CELF2: variants seen among roughly 807,000 people sequenced by gnomAD.
The protein encoded by CELF2 is CUG triplet repeat RNA-binding protein 2.
In CELF2, 8 loss-of-function variants were observed where a neutral mutation model predicts 62.6. The observed-to-expected ratio is 0.13, with a 90% confidence interval of 0.07 to 0.23. The LOEUF is 0.23. Ranked by LOEUF, CELF2 falls within the 10% of genes least tolerant of loss-of-function variation. CELF2 has a pLI of 1.00. For missense variants in CELF2, 333 were observed against 671.0 expected (o/e 0.50, Z 5.56); for synonymous variants, 258 against 250.0 (o/e 1.03, Z -0.30).
Position 11,326,170 on chromosome 10 carries a change from T to A in CELF2, c.1438+191T>A, listed in dbSNP as rs566614216. ...TCTGGGAAATTAAAGTCAACGCCCA[T>A]ACATTAGGTAATCTTCTATACTACA... On this transcript the variant is annotated intron_variant, in intron 12 of 12. Transcript: ENST00000633077. Among the ~76,000 whole-genome samples the A allele has an allele frequency of 2.0e-5, 3 of 152,324 alleles. No individual in the cohort carries two copies. The South Asian group carries it at 6.2e-4, about 32-fold the overall frequency.
the CELF2 span, among the ~76,000 whole-genome samples, chr10:10,550,701 C>CA: frequency 7.0e-6 from 1 of 142,474 alleles, no homozygotes; most frequent in Non-Finnish European, 1.5e-5. Flanking sequence ...CATGTGATGT[C>CA]TTTTTTTTTT....
At chr10:11,125,442 T>TAA (rs3054369) in intron 1 of CELF2, among the ~76,000 whole-genome samples, 1,847 of 145,808 alleles carry the variant, frequency 0.013, 33 homozygotes, top group African/African-American at 0.04. Context: ...AGTAACTGGA[T>TAA]AAAAAAAAAA....
intron 2 of CELF2, among the ~76,000 whole-genome samples, chr10:10,932,370 T>C (rs1238269397): frequency 1.3e-5 from 2 of 152,114 alleles, no homozygotes; most frequent in African/African-American, 4.8e-5. Flanking sequence ...TTATGTATAC[T>C]GGAAAATTGC....
chr10:10,551,087 G>T, the CELF2 span, among the ~76,000 whole-genome samples: 2 of 152,154 alleles, frequency 1.3e-5, no homozygotes. Context: ...GCATGCTCAG[G>T]TTATGTGACC....
the CELF2 span, among the ~76,000 whole-genome samples, chr10:10,763,090 A>G: frequency 3.9e-5 from 6 of 152,310 alleles, no homozygotes; most frequent in African/African-American, 1.4e-4. Flanking sequence ...TCGAGCTTCA[A>G]TTTGCTCATT....
intron 2 of CELF2, among the ~76,000 whole-genome samples, chr10:10,969,844 G>C (rs1660093753): frequency 6.6e-6 from 1 of 152,166 alleles, no homozygotes; most frequent in Admixed American, 6.5e-5. Context: ...TAAGGGTCCT[G>C]CTTCATCTAT....
chr10:10,463,451 A>T, the CELF2 span, among the ~76,000 whole-genome samples: 3 of 152,200 alleles, frequency 2.0e-5, no homozygotes, highest in East Asian at 5.8e-4. Context: ...AAAGTTCTCA[A>T]GGTTACATAT....
intron 1 of CELF2, among the ~76,000 whole-genome samples, chr10:10,846,345 A>T (rs1245757993): frequency 6.6e-6 from 1 of 152,178 alleles, no homozygotes; most frequent in African/African-American, 2.4e-5. Context: ...ACTGCCCAGA[A>T]TCTTTCACAG....
At chr10:10,619,745 T>C in the CELF2 span, among the ~76,000 whole-genome samples, 1 of 152,166 alleles carries the variant, frequency 6.6e-6, no homozygotes, top group Admixed American at 6.5e-5. Flanking sequence ...TAGGAGAAGT[T>C]TGTTTGGAAA....
the CELF2 span, among the ~76,000 whole-genome samples, chr10:10,513,532 CAT>C: frequency 6.6e-6 from 1 of 152,066 alleles, no homozygotes; most frequent in African/African-American, 2.4e-5. Flanking sequence ...GAAAAAATGA[CAT>C]AAACACCAAA....
chr10:11,167,890 A>G (rs1038735734), intron 2 of CELF2, among the ~76,000 whole-genome samples: 13 of 152,198 alleles, frequency 8.5e-5, no homozygotes, highest in Non-Finnish European at 1.5e-4. Flanking sequence ...TGAGGCTTAT[A>G]AGAAGTTAAG....
At position 11,331,874 on chromosome 10, in the gene CELF2, T is replaced by C. The variant is rs2096029727; in HGVS notation, c.*2821T>C. ...TTTCTACCCAGAGCTATCTGGAATG[T>C]TGATGACTTTTTATACTGTCATGAT... On this transcript the variant is annotated 3_prime_UTR_variant, in exon 13 of 13. Coordinates refer to ENST00000633077, the MANE Select transcript of CELF2 (RefSeq NM_001326342.2). 1 of 152,632 alleles carries C rather than the reference T, an allele frequency of 6.6e-6. No individual in the cohort carries two copies. The highest frequency in any genetic ancestry group is 2.4e-5 in the African/African-American group (1 of 41,458). 9.5% of individuals were successfully genotyped at this position (152,632 alleles called of 1,614,324 possible). A position where few individuals can be genotyped will look rare whatever the true frequency, so the allele number is the denominator to read the frequency against.
At chr10:10,473,645 C>T in the CELF2 span, among the ~76,000 whole-genome samples, 4 of 152,034 alleles carry the variant, frequency 2.6e-5, no homozygotes, top group African/African-American at 4.8e-5. Flanking sequence ...TTGCTATTTT[C>T]GTTGAGTCAT....
chr10:11,078,104 A>G (rs1455331737), intron 1 of CELF2, among the ~76,000 whole-genome samples: 1 of 152,146 alleles, frequency 6.6e-6, no homozygotes, highest in Non-Finnish European at 1.5e-5. Flanking sequence ...TTCGTTTTGA[A>G]TGCTTTCCCT....
At chr10:10,582,013 G>A in the CELF2 span, among the ~76,000 whole-genome samples, 1 of 152,120 alleles carries the variant, frequency 6.6e-6, no homozygotes, top group African/African-American at 2.4e-5. Context: ...GGGCAACAGA[G>A]CAAGATTCCA....
chr10:10,560,395 C>G, the CELF2 span, among the ~76,000 whole-genome samples: 1 of 152,168 alleles, frequency 6.6e-6, no homozygotes, highest in Non-Finnish European at 1.5e-5. Context: ...GGATTACCAA[C>G]CATCTAATGT....
the CELF2 span, among the ~76,000 whole-genome samples, chr10:10,682,671 TG>T: frequency 6.6e-6 from 1 of 152,198 alleles, no homozygotes; most frequent in East Asian, 1.9e-4. Flanking sequence ...TTCAGTTTAC[TG>T]TTGAATCTGA....
the CELF2 span, among the ~76,000 whole-genome samples, chr10:10,679,555 G>T: frequency 6.6e-6 from 1 of 152,170 alleles, no homozygotes; most frequent in South Asian, 2.1e-4. Flanking sequence ...TTCCCAAAGT[G>T]CTGGGATTAC....
chr10:11,018,307 G>A (rs928550370), intron 1 of CELF2, 144 bp downstream of exon 1: 2 of 566,192 alleles, frequency 3.5e-6, no homozygotes, highest in Non-Finnish European at 5.3e-6. Context: ...TTCGGAGGCC[G>A]GCACGGGACG....
Sources: allele counts gnomAD v4.1 joint callset (sites outside exome capture counted in the v4.1 genomes callset), GRCh38; gene constraint gnomAD v4.1.1; transcripts MANE v1.5; gene names NCBI Gene and HGNC (gene_info 2026-07-23, HGNC 2026-07-21).